The following RYR1 variants were observed in gnomAD, a reference collection of about 807,000 sequenced individuals.
The protein encoded by RYR1 is ryanodine receptor 1.
Under a neutral mutation model 583.5 loss-of-function variants are expected in RYR1, and 342 were observed. That is an observed-to-expected ratio of 0.59 (90% confidence interval 0.54 to 0.64). The LOEUF (loss-of-function observed/expected upper bound fraction) is 0.64. Among genes scored for constraint, RYR1 ranks in the 30% least tolerant of loss-of-function variants. The pLI, the probability that RYR1 is intolerant of heterozygous loss-of-function variation, is 0.00. For missense variants in RYR1, 6,032 were observed against 6,917.2 expected, an observed-to-expected ratio of 0.87 and a Z score of 4.54; for synonymous variants, 2,791 against 2,822.5, an observed-to-expected ratio of 0.99 and a Z score of 0.35.
chr19:38,580,561 T>TA, intron 101 of RYR1, 57 bp downstream of exon 101: 1 of 1,606,076 alleles, frequency 6.2e-7, no homozygotes, highest in South Asian at 1.1e-5. Flanking sequence ...TTGAAGGAGT[T>TA]AATAATGGTA....
At position 38,502,874 on chromosome 19, in the gene RYR1, C is replaced by G. The variant is rs780269941; in HGVS notation, c.7836-6C>G. On this transcript the variant is annotated splice_region_variant and splice_polypyrimidine_tract_variant and intron_variant, in intron 48 of 105. Transcript: ENST00000359596. ...GGGATTCTACATCTTGTGCATTGTC[C>G]CGCAGGTACATCCGCCCGTCGATGC... 2 of 1,609,856 alleles carry G rather than the reference C, an allele frequency of 1.2e-6. No individual in the cohort carries two copies. Among genetic ancestry groups the G allele is most frequent in the African/African-American group, 1.3e-5 (1 of 74,830 alleles).
At chr19:38,567,693 T>G (rs1248168853) in intron 92 of RYR1, 80 bp from the exon 93 acceptor site, 20 of 1,609,600 alleles carry the variant, frequency 1.2e-5, no homozygotes, top group Non-Finnish European at 1.6e-5. Context: ...GGGCGGGCCC[T>G]TGGTGAATGG....
chr19:38,585,753 G>GC (rs1974456093), intron 102 of RYR1, among the ~76,000 whole-genome samples, 185 bp from the exon 103 acceptor site: 7 of 152,012 alleles, frequency 4.6e-5, no homozygotes, highest in Admixed American at 3.9e-4. Context: ...AAAGTACTGG[G>GC]ATTACAGGCG....
At chr19:38,527,144 T>G in intron 72 of RYR1, 92 bp downstream of exon 72, 1 of 1,416,284 alleles carries the variant, frequency 7.1e-7, no homozygotes, top group East Asian at 2.4e-5. Context: ...GACCAGGCAT[T>G]GAAGAAAGAC....
chr19:38,536,969 C>T (rs1439071472), intron 83 of RYR1: 20 of 624,660 alleles, frequency 3.2e-5, no homozygotes, highest in Non-Finnish European at 4.7e-5. Flanking sequence ...ACTGAGAATA[C>T]ATGGGCCTGT....
Position 38,585,003 on chromosome 19 carries a change from G to A in RYR1, c.14707G>A (p.Glu4903Lys), listed in dbSNP as rs372418113. 16 of 1,614,030 alleles carry A rather than the reference G, an allele frequency of 9.9e-6. No individual in the cohort carries two copies. The highest frequency in any genetic ancestry group is 4.5e-5 in the East Asian group (2 of 44,868). The change falls in exon 102 of 106, where the codon GAG becomes AAG. Residue 4903 changes from glutamate to lysine, a missense_variant. Glu to Lys is a moderately conservative substitution (Grantham distance 56). Around this residue, in one of 11 missense-constraint regions of RYR1, gnomAD observed 189 missense variants for 350.3 expected, o/e 0.54. Coordinates refer to ENST00000359596, the MANE Select transcript of RYR1 (RefSeq NM_000540.3). ...TGGCGGAGGCATTGGGGACGAGATC[G>A]AGGACCCCGCGGGTGACGAATACGA... ...RAGGGIGDEI[E>K]DPAGDEYELY...
rs886038336 is a variant in RYR1, at chr19:38,486,124, G to T, written c.5469G>T (p.Gly1823=). Residue 1823 remains glycine, a synonymous_variant, in exon 34 of 106, where the codon GGG becomes GGT. Coordinates refer to ENST00000359596, the MANE Select transcript of RYR1 (RefSeq NM_000540.3). Reference sequence around the variant, plus strand: ...TGGGGGAGGCGGTGCGCGACGGTGGGCAGCACGCTCGCGACCCCGTCGGGG... The same window carrying T: ...TGGGGGAGGCGGTGCGCGACGGTGGTCAGCACGCTCGCGACCCCGTCGGGG... The part of the protein sequence containing the change: ...RMLGEAVRDG[G]QHARDPVGGS... The T allele has an allele frequency of 6.2e-7, 1 of 1,613,130 alleles. No individual in the cohort carries two copies. The highest frequency in any genetic ancestry group is 1.1e-5 in the South Asian group (1 of 91,046).
At chr19:38,578,096 G>A (rs1974039708) in intron 98 of RYR1, 48 bp downstream of exon 98, 1 of 1,613,490 alleles carries the variant, frequency 6.2e-7, no homozygotes, top group Non-Finnish European at 8.5e-7. Context: ...CAGGGGAGGT[G>A]ACTGGAGTCT....
rs76170065 is a variant in RYR1, at chr19:38,470,971, A to G, written c.3765+1458A>G. ...AGATGTCCCCAACCCAAGGCACAGC[A>G]TGCTACACGGAAGTGAGAATGAATA... On this transcript the variant is annotated intron_variant, in intron 27 of 105. Transcript: ENST00000359596. Among the ~76,000 whole-genome samples the G allele has an allele frequency of 6.5e-3, 995 of 152,338 alleles. 7 individuals carry two copies. Among genetic ancestry groups the G allele is most frequent in the Middle Eastern group, 0.02 (6 of 294 alleles).
rs1310635008 is a variant in RYR1 at position 38,523,089 on chromosome 19, A to G, written c.10321A>G (p.Ile3441Val). The G allele has an allele frequency of 1.2e-6, 2 of 1,612,554 alleles. No homozygotes were observed. The highest frequency in any genetic ancestry group is 2.7e-5 in the African/African-American group (2 of 74,768). ...GGAGCTGTTCAGGATGGTGGGCGAG[A>G]TCTTCATCTACTGGTCCAAGTCCCA... is the stretch of plus-strand genomic sequence containing the variant. ...AEELFRMVGEIFIYWSKSHNF... is the reference protein window; with the variant it reads ...AEELFRMVGEVFIYWSKSHNF... Residue 3441 changes from isoleucine (I) to valine (V), a missense_variant, in exon 68 of 106, where the codon ATC becomes GTC. This residue lies in a region of RYR1 where 1,493 missense variants were observed against 1,715.5 expected (regional missense o/e 0.87). Coordinates refer to ENST00000359596, the MANE Select transcript of RYR1 (RefSeq NM_000540.3).
At chr19:38,516,830 G>T (rs1056464227) in intron 65 of RYR1, among the ~76,000 whole-genome samples, 13 of 152,276 alleles carry the variant, frequency 8.5e-5, no homozygotes, top group Admixed American at 8.5e-4. Context: ...CTGAGTCCTG[G>T]GTCCAGAGGC....
At chr19:38,485,535 A>T (rs1356533729) in intron 33 of RYR1, 55 bp from the exon 34 acceptor site, 2 of 1,600,062 alleles carry the variant, frequency 1.2e-6, no homozygotes, top group Non-Finnish European at 1.7e-6. Context: ...TGGTGGCTTG[A>T]CTGATGCAGG....
chr19:38,485,013 T>C (rs1321508835), intron 33 of RYR1, among the ~76,000 whole-genome samples: 1 of 151,830 alleles, frequency 6.6e-6, no homozygotes, highest in Non-Finnish European at 1.5e-5. Context: ...TACTATGTGC[T>C]AGGTGTGGTT....
At chr19:38,449,582 G>A (rs1966973749) in intron 11 of RYR1, among the ~76,000 whole-genome samples, 1 of 152,248 alleles carries the variant, frequency 6.6e-6, no homozygotes, top group South Asian at 2.1e-4. Flanking sequence ...TGTTCTGGTT[G>A]TGTGTGCAGA....
At chr19:38,520,183 T>C (rs957360593) in intron 67 of RYR1, among the ~76,000 whole-genome samples, 1 of 150,324 alleles carries the variant, frequency 6.7e-6, no homozygotes, top group Non-Finnish European at 1.5e-5. Context: ...CAAGCGATCC[T>C]CTGCTTCTGC....
rs145402660 is a variant in RYR1 at position 38,574,854 on chromosome 19, A to G, written c.14130-1065A>G. ...GGAGATCCAGACCATCCTGGCTAAC[A>G]TGGTGAAACCCTGTCTCTACTAAAA... On this transcript the variant is annotated intron_variant, in intron 96 of 105. Coordinates refer to ENST00000359596, the MANE Select transcript of RYR1 (RefSeq NM_000540.3). 3.6e-3 allele frequency among the ~76,000 whole-genome samples: 555 copies of G among 152,096 alleles called. 6 individuals are homozygous for G. Among genetic ancestry groups the G allele is most frequent in the Middle Eastern group, 0.014 (4 of 294 alleles).
In RYR1 at chr19:38,565,990, A is replaced by G. The variant is rs1310743060; in HGVS notation, c.13437+219A>G. 6.6e-6 allele frequency among the ~76,000 whole-genome samples: 1 copy of G among 151,856 alleles called. No individual in the cohort carries two copies. Among genetic ancestry groups the G allele is most frequent in the Non-Finnish European group, 1.5e-5 (1 of 67,948 alleles). On this transcript the variant is annotated intron_variant, in intron 91 of 105. Transcript: ENST00000359596. This position sits in a 1 kb window ranked among gnomAD's most constrained non-coding sequence, Gnocchi z 4.7. ...AGAGGGATACTCAGACCCACAGAGAAAGAGACTCAGAGATGGAGACCTGGA... is the reference window on the plus strand; with the variant it reads ...AGAGGGATACTCAGACCCACAGAGAGAGAGACTCAGAGATGGAGACCTGGA...
At position 38,528,679 on chromosome 19, in the gene RYR1, T is replaced by C; in HGVS notation, c.11018T>C (p.Met3673Thr). 6.2e-7 allele frequency: 1 copy of C among 1,614,122 alleles called. No individual in the cohort carries two copies. ...LTEDHSFEDR[M>T]IDDLSKAGEQ... is the part of the protein sequence containing the mutation. ...GAAGACCACAGTTTTGAGGACCGCATGATAGATGACCTTTCAGTGAGCTGG... is the reference window on the plus strand; with the variant it reads ...GAAGACCACAGTTTTGAGGACCGCACGATAGATGACCTTTCAGTGAGCTGG... Residue 3673 changes from methionine to threonine, a missense_variant, in exon 75 of 106, where the codon ATG (methionine) becomes ACG (threonine). Coordinates refer to ENST00000359596, the MANE Select transcript of RYR1 (RefSeq NM_000540.3).
chr19:38,486,779 A>T (rs1969320751), intron 34 of RYR1, among the ~76,000 whole-genome samples: 1 of 152,046 alleles, frequency 6.6e-6, no homozygotes, highest in Non-Finnish European at 1.5e-5. Context: ...ACCATCATTC[A>T]TCCATCCATC....
Sources: gnomAD v4.1 joint callset for allele counts (sites outside exome capture counted in the v4.1 genomes callset) on GRCh38, gnomAD v4.1.1 for gene constraint, gnomAD v4.1.1 regional missense constraint, Gnocchi (gnomAD v3.1) non-coding constraint, MANE v1.5 for transcripts, NCBI Gene and HGNC (gene_info 2026-07-23, HGNC 2026-07-21) for gene names.